CYTH1: variants seen among roughly 807,000 people sequenced by gnomAD.
The protein encoded by CYTH1 is cytohesin 1.
CYTH1 carries 18 observed loss-of-function variants against 61.8 expected under a neutral mutation model. That is an observed-to-expected ratio of 0.29 (90% CI 0.20 to 0.43). The LOEUF (loss-of-function observed/expected upper bound fraction) is 0.43, where lower values mean the gene tolerates loss of function less well. Ranked by LOEUF, CYTH1 falls within the 20% of genes least tolerant of loss-of-function variation. CYTH1 has a pLI of 1.00. For synonymous variants in CYTH1, 174 were observed against 184.3 expected, an observed-to-expected ratio of 0.94 and a Z score of 0.45; for missense variants, 336 against 510.5, an observed-to-expected ratio of 0.66 and a Z score of 3.29.
chr17:78,771,580 A>C (rs912191725), intron 1 of CYTH1, among the ~76,000 whole-genome samples: 3 of 151,848 alleles, frequency 2.0e-5, no homozygotes, highest in African/African-American at 7.3e-5. Context: ...AAAATACAAA[A>C]ATTAGCTGGG....
chr17:78,702,877 A>T (rs2093027497), intron 3 of CYTH1, among the ~76,000 whole-genome samples: 1 of 151,978 alleles, frequency 6.6e-6, no homozygotes, highest in South Asian at 2.1e-4. Context: ...GCTGAAGTGC[A>T]GTGGTGCTAT....
At chr17:78,720,192 A>G (rs2093216163) in intron 1 of CYTH1, among the ~76,000 whole-genome samples, 1 of 152,168 alleles carries the variant, frequency 6.6e-6, no homozygotes, top group Non-Finnish European at 1.5e-5. Context: ...TGAACGTATG[A>G]ATGTACTACT....
intron 1 of CYTH1, among the ~76,000 whole-genome samples, chr17:78,737,189 C>T (rs1429100032): frequency 6.6e-6 from 1 of 152,106 alleles, no homozygotes; most frequent in Non-Finnish European, 1.5e-5. Flanking sequence ...CGATGGACAC[C>T]AAAACCCACG....
chr17:78,772,816 G>A (rs970774513), intron 1 of CYTH1, among the ~76,000 whole-genome samples: 13 of 150,596 alleles, frequency 8.6e-5, no homozygotes, highest in Admixed American at 2.0e-4. Context: ...GATTACAGGC[G>A]TGAGCCACCA....
chr17:78,760,687 G>T (rs1052287813), intron 1 of CYTH1, among the ~76,000 whole-genome samples: 3 of 149,338 alleles, frequency 2.0e-5, no homozygotes, highest in Non-Finnish European at 4.4e-5. Context: ...CATTACAACA[G>T]AACTTAAGAC....
intron 10 of CYTH1, among the ~76,000 whole-genome samples, chr17:78,692,727 G>T (rs2092900996): frequency 6.6e-6 from 1 of 151,990 alleles, no homozygotes; most frequent in Non-Finnish European, 1.5e-5. Context: ...GACACCCGGA[G>T]ATGGAATCGG....
At chr17:78,772,933 G>A (rs532823369) in intron 1 of CYTH1, among the ~76,000 whole-genome samples, 1 of 152,074 alleles carries the variant, frequency 6.6e-6, no homozygotes, top group African/African-American at 2.4e-5. Flanking sequence ...AGGTTCAAGC[G>A]ATTCTAGTGA....
At chr17:78,737,472 G>T (rs1201692657) in intron 1 of CYTH1, among the ~76,000 whole-genome samples, 4 of 151,688 alleles carry the variant, frequency 2.6e-5, no homozygotes, top group Non-Finnish European at 5.9e-5. Context: ...TCTTAAAATG[G>T]AATCATTAAA....
At chr17:78,699,658 C>T (rs1223988503) in intron 7 of CYTH1, among the ~76,000 whole-genome samples, 1 of 152,172 alleles carries the variant, frequency 6.6e-6, no homozygotes, top group African/African-American at 2.4e-5. Flanking sequence ...GTATAACTCA[C>T]CACATATTTA....
intron 1 of CYTH1, among the ~76,000 whole-genome samples, chr17:78,729,554 G>A (rs2144585728): frequency 6.6e-6 from 1 of 152,238 alleles, no homozygotes; most frequent in African/African-American, 2.4e-5. Flanking sequence ...AGTGTAAACT[G>A]GTACAACCTT....
At chr17:78,718,236 C>T (rs1478049908) in intron 1 of CYTH1, among the ~76,000 whole-genome samples, 1 of 150,298 alleles carries the variant, frequency 6.7e-6, no homozygotes, top group African/African-American at 2.4e-5. Context: ...CACACACACA[C>T]ACACACACAC....
chr17:78,748,040 A>G (rs2093365991), intron 1 of CYTH1, among the ~76,000 whole-genome samples: 1 of 152,136 alleles, frequency 6.6e-6, no homozygotes, highest in Admixed American at 6.6e-5. Flanking sequence ...AAATAAAATA[A>G]ATTTCACAAT....
At position 78,717,399 on chromosome 17, in the gene CYTH1, T is replaced by A. The variant is rs1168487114; in HGVS notation, c.23-7667A>T. 6.6e-6 allele frequency among the ~76,000 whole-genome samples: 1 copy of A among 152,148 alleles called. No individual in the cohort carries two copies. The highest frequency in any genetic ancestry group is 6.5e-5 in the Admixed American group (1 of 15,278). ...CACCATTCCTTTCCAGGGTTCCAAT[T>A]TAATGAAGAGGATTAAAGTGACAAA... On this transcript the variant is annotated intron_variant, in intron 1 of 13. Transcript: ENST00000446868. This position sits in a 1 kb window ranked among gnomAD's most constrained non-coding sequence, Gnocchi z 4.4.
chr17:78,732,393 G>A (rs1206415809), intron 1 of CYTH1, among the ~76,000 whole-genome samples: 2 of 152,192 alleles, frequency 1.3e-5, no homozygotes, highest in African/African-American at 4.8e-5. Flanking sequence ...TTTCTTCAGA[G>A]GGGCAGAATC....
intron 1 of CYTH1, chr17:78,736,659 C>A: frequency 2.9e-6 from 1 of 350,292 alleles, no homozygotes; most frequent in Non-Finnish European, 6.1e-6. Context: ...CAAGCCGCAT[C>A]AGTCCCGGCC....
In CYTH1 at chr17:78,736,361, T is replaced by A. The variant is rs565603941; in HGVS notation, c.23-26629A>T. Reference sequence around the variant, plus strand: ...AGCAAAGATTGGAGGAGAACTTCTTTGGTTTAAAAACACTGAGTTACCTTA... The same window carrying A: ...AGCAAAGATTGGAGGAGAACTTCTTAGGTTTAAAAACACTGAGTTACCTTA... On this transcript the variant is annotated intron_variant, in intron 1 of 13. Coordinates refer to ENST00000446868, the MANE Select transcript of CYTH1 (RefSeq NM_004762.6). Among the ~76,000 whole-genome samples, 215 of 152,262 alleles carry A rather than the reference T, an allele frequency of 1.4e-3. No homozygotes were observed. In the Middle Eastern group the frequency reaches 0.024, roughly 17 times the overall value.
intron 1 of CYTH1, among the ~76,000 whole-genome samples, chr17:78,757,041 GGGT>G (rs921584341): frequency 7.6e-6 from 1 of 131,470 alleles, no homozygotes; most frequent in Non-Finnish European, 1.5e-5. Context: ...CAGGCTTCCT[GGGT>G]TCACGCCATT....
chr17:78,703,582 A>G (rs2093036057), intron 3 of CYTH1, among the ~76,000 whole-genome samples: 1 of 152,156 alleles, frequency 6.6e-6, no homozygotes, highest in Non-Finnish European at 1.5e-5. Flanking sequence ...ACCTTTTTAC[A>G]GTTAATCCTT....
At chr17:78,718,218 TAC>T (rs55803104) in intron 1 of CYTH1, among the ~76,000 whole-genome samples, 23,771 of 127,926 alleles carry the variant, frequency 0.19, 2,060 homozygotes, top group Admixed American at 0.27. Flanking sequence ...AAACACTGAA[TAC>T]ACACACACAC....
Sources: gnomAD v4.1 joint callset for allele counts (sites outside exome capture counted in the v4.1 genomes callset) on GRCh38, gnomAD v4.1.1 for gene constraint, Gnocchi (gnomAD v3.1) non-coding constraint, MANE v1.5 for transcripts, NCBI Gene and HGNC (gene_info 2026-07-23, HGNC 2026-07-21) for gene names.